The following BICRA variants were observed in gnomAD, a reference collection of about 807,000 sequenced individuals.
BICRA encodes the protein BRD4 interacting chromatin remodeling complex associated protein.
BICRA carries 31 observed loss-of-function variants against 96.9 expected under a neutral mutation model. That is an observed-to-expected ratio of 0.32 (90% confidence interval 0.24 to 0.43). BICRA has a LOEUF of 0.43. Ranked by LOEUF, BICRA falls within the 20% of genes least tolerant of loss-of-function variation. BICRA has a pLI of 1.00. For missense variants in BICRA, 2,283 were observed against 2,190.3 expected, an observed-to-expected ratio of 1.04 and a Z score of -0.84; for synonymous variants, 1,350 against 1,071.8, an observed-to-expected ratio of 1.26 and a Z score of -5.07.
At chr19:47,615,394 C>T (rs1276625368) in intron 1 of BICRA, among the ~76,000 whole-genome samples, 1 of 152,232 alleles carries the variant, frequency 6.6e-6, no homozygotes, top group East Asian at 1.9e-4. Flanking sequence ...CAGGTGACCT[C>T]CTTGTGTCTG....
At chr19:47,648,162 C>T (rs1972488552) in intron 1 of BICRA, among the ~76,000 whole-genome samples, 1 of 151,986 alleles carries the variant, frequency 6.6e-6, no homozygotes, top group Non-Finnish European at 1.5e-5. Context: ...GCCTTCTGTG[C>T]CGATGCCCAG....
chr19:47,648,852 ATTTTT>A (rs1359940506), intron 1 of BICRA, among the ~76,000 whole-genome samples: 1 of 125,192 alleles, frequency 8.0e-6, no homozygotes, highest in African/African-American at 3.0e-5. Flanking sequence ...ACGCTGGGCT[ATTTTT>A]TTTTTTTTTT....
At chr19:47,616,193 A>G (rs988379535) in intron 1 of BICRA, among the ~76,000 whole-genome samples, 1 of 152,230 alleles carries the variant, frequency 6.6e-6, no homozygotes, top group Non-Finnish European at 1.5e-5. Flanking sequence ...TGTTCAGCAC[A>G]GTGCCTGGGG....
intron 7 of BICRA, 112 bp downstream of exon 7, chr19:47,682,264 G>A: frequency 1.7e-6 from 1 of 583,366 alleles, no homozygotes; most frequent in Non-Finnish European, 3.0e-6. Context: ...CTGCTGACTT[G>A]GAACACAGAG....
At chr19:47,630,275 C>G (rs897775416) in intron 1 of BICRA, among the ~76,000 whole-genome samples, 1 of 151,918 alleles carries the variant, frequency 6.6e-6, no homozygotes, top group African/African-American at 2.4e-5. Context: ...ATTCTCCTGC[C>G]TCAGCCTTCT....
Position 47,639,535 on chromosome 19 carries a change from T to C in BICRA, c.-108+30367T>C, listed in dbSNP as rs556552642. On this transcript the variant is annotated intron_variant, in intron 1 of 14. Coordinates refer to ENST00000594866, the MANE Select transcript of BICRA (RefSeq NM_001394372.1). ...TAGTAGAGACGGGGTTTCACCGTGT[T>C]AGCTAGGATGGTCTCGATCTCCTGA... Among the ~76,000 whole-genome samples, 18 of 151,656 alleles carry C rather than the reference T, an allele frequency of 1.2e-4. No individual in the cohort carries two copies. The South Asian group carries it at 2.5e-3, about 21-fold the overall frequency.
intron 1 of BICRA, among the ~76,000 whole-genome samples, chr19:47,656,560 T>C (rs1409725233): frequency 6.6e-6 from 1 of 152,198 alleles, no homozygotes; most frequent in African/African-American, 2.4e-5. Context: ...TTCTGTAATA[T>C]ATAGAACACA....
At chr19:47,681,892 G>A (rs191937568) in intron 6 of BICRA, 84 bp from the exon 7 acceptor site, 4 of 965,370 alleles carry the variant, frequency 4.1e-6, no homozygotes, top group Middle Eastern at 2.8e-4. Flanking sequence ...CCCTGGGAGC[G>A]TCAATAGGGG....
In BICRA at chr19:47,699,388, T is replaced by G; in HGVS notation, c.3578T>G (p.Leu1193Arg). 1 of 1,557,274 alleles carries G rather than the reference T, an allele frequency of 6.4e-7. No homozygotes were observed. The highest frequency in any genetic ancestry group is 1.2e-5 in the South Asian group (1 of 84,588). ...EKTTLALDKQ[L>R]AKEKPDEYVS... Reference sequence around the variant, plus strand: ...ACCACCCTTGCCTTGGATAAACAGCTGGCCAAGGAGAAGCCGGGTGAGAGG... The same window carrying G: ...ACCACCCTTGCCTTGGATAAACAGCGGGCCAAGGAGAAGCCGGGTGAGAGG... Residue 1193 changes from leucine (L) to arginine (R), a missense_variant, in exon 14 of 15, where the codon CTG becomes CGG. Coordinates refer to ENST00000594866, the MANE Select transcript of BICRA (RefSeq NM_001394372.1). This position sits in a 1 kb window ranked among gnomAD's most constrained non-coding sequence, Gnocchi z 5.0.
At chr19:47,657,692 G>C (rs930185478) in intron 1 of BICRA, among the ~76,000 whole-genome samples, 1 of 152,252 alleles carries the variant, frequency 6.6e-6, no homozygotes, top group Non-Finnish European at 1.5e-5. Flanking sequence ...CACCATGCCC[G>C]GCTGCTGTGA....
Position 47,627,268 on chromosome 19 carries a change from G to C in BICRA, c.-108+18100G>C, listed in dbSNP as rs964397441. On this transcript the variant is annotated intron_variant, in intron 1 of 14. Coordinates refer to ENST00000594866, the MANE Select transcript of BICRA (RefSeq NM_001394372.1). ...AGCTAGAGACATGGGTGACCAGCTG[G>C]AGTCAGGATTTGGGGGGTGTGGTGT... 2.0e-5 allele frequency among the ~76,000 whole-genome samples: 3 copies of C among 152,178 alleles called. No homozygotes were observed. In the East Asian group the frequency reaches 5.8e-4, roughly 29 times the overall value.
chr19:47,654,790 G>A (rs1466736222), intron 1 of BICRA, among the ~76,000 whole-genome samples: 2 of 144,042 alleles, frequency 1.4e-5, no homozygotes, highest in African/African-American at 2.6e-5. Flanking sequence ...CCATCTCTAT[G>A]AAAAAAAAAA....
intron 1 of BICRA, among the ~76,000 whole-genome samples, chr19:47,628,151 C>A (rs1972168253): frequency 6.6e-6 from 1 of 152,176 alleles, no homozygotes; most frequent in South Asian, 2.1e-4. Context: ...TTGCTGGTTG[C>A]TATTACTATT....
rs148906951 is a variant in BICRA at position 47,668,400 on chromosome 19, G to A, written c.-107-2043G>A. ...ACATGCAGGTTCCCAGCTGAGGTGG[G>A]GCCTGATGTCTTGTTTCAGCTCAAA... is the stretch of plus-strand genomic sequence containing the variant. On this transcript the variant is annotated intron_variant, in intron 1 of 14. Coordinates refer to ENST00000594866, the MANE Select transcript of BICRA (RefSeq NM_001394372.1). Among the ~76,000 whole-genome samples the A allele has an allele frequency of 2.7e-3, 417 of 152,214 alleles. 5 individuals are homozygous for A. The highest frequency in any genetic ancestry group is 0.017 in the Middle Eastern group (5 of 292).
At chr19:47,693,361 A>ACACG (rs1396335145) in intron 7 of BICRA, among the ~76,000 whole-genome samples, 6 of 152,230 alleles carry the variant, frequency 3.9e-5, no homozygotes, top group East Asian at 1.9e-4. Context: ...TACGTCGTGC[A>ACACG]CACGCATGCA....
At chr19:47,683,975 A>C (rs1431203554) in intron 7 of BICRA, among the ~76,000 whole-genome samples, 1 of 152,216 alleles carries the variant, frequency 6.6e-6, no homozygotes, top group Non-Finnish European at 1.5e-5. Flanking sequence ...TGACAAGGGC[A>C]GGATGGCAGA....
intron 1 of BICRA, among the ~76,000 whole-genome samples, chr19:47,613,681 C>CT (rs1971943387): frequency 1.3e-5 from 2 of 152,020 alleles, no homozygotes; most frequent in Non-Finnish European, 2.9e-5. Context: ...TGGTAGGATG[C>CT]ACCTTATGCC....
intron 7 of BICRA, among the ~76,000 whole-genome samples, chr19:47,682,753 C>A (rs1426401819): frequency 6.6e-6 from 1 of 151,186 alleles, no homozygotes; most frequent in Non-Finnish European, 1.5e-5. Flanking sequence ...CTCACTGCAA[C>A]CTCCGCCTCC....
intron 7 of BICRA, 32 bp from the exon 8 acceptor site, chr19:47,694,083 G>GCCCCCCCCCCCCCCCCCCCCCCCCCC: frequency 9.1e-7 from 1 of 1,093,876 alleles, no homozygotes; most frequent in Non-Finnish European, 1.2e-6. Flanking sequence ...TCTGACCCCC[G>GCCCCCCCCCCCCCCCCCCCCCCCCCC]CCCCTCCCCT....
Sources: gnomAD v4.1 joint callset for allele counts (sites outside exome capture counted in the v4.1 genomes callset) on GRCh38, gnomAD v4.1.1 for gene constraint, Gnocchi (gnomAD v3.1) non-coding constraint, MANE v1.5 for transcripts, NCBI Gene and HGNC (gene_info 2026-07-23, HGNC 2026-07-21) for gene names.